The following SHC4 variants were observed in gnomAD, a reference collection of about 807,000 sequenced individuals.
SHC4 encodes the protein SHC adaptor protein 4, also known as SHC-transforming protein 4.
Under a neutral mutation model 69.4 loss-of-function variants are expected in SHC4, and 41 were observed. The observed-to-expected ratio is 0.59, with a 90% CI of 0.46 to 0.77. SHC4 has a LOEUF of 0.77. SHC4 is among the 30% of genes least tolerant of loss of function. The probability of loss-of-function intolerance (pLI) is 0.00; values close to 1 mark genes in which losing one functional copy is unlikely to be tolerated. For synonymous variants in SHC4, 318 were observed against 299.3 expected, an observed-to-expected ratio of 1.06 and a Z score of -0.64; for missense variants, 777 against 783.8, an observed-to-expected ratio of 0.99 and a Z score of 0.10.
At chr15:48,849,610 A>G (rs1446259517) in intron 9 of SHC4, among the ~76,000 whole-genome samples, 1 of 152,188 alleles carries the variant, frequency 6.6e-6, no homozygotes, top group Admixed American at 6.5e-5. Context: ...AAAATAGGAC[A>G]TGGAGGTATT....
At chr15:48,894,467 T>A (rs1900188630) in intron 2 of SHC4, among the ~76,000 whole-genome samples, 1 of 152,146 alleles carries the variant, frequency 6.6e-6, no homozygotes, top group African/African-American at 2.4e-5. Flanking sequence ...TGAAGGCACA[T>A]CAAAGATGTC....
At chr15:48,935,319 C>A (rs552646959) in intron 1 of SHC4, among the ~76,000 whole-genome samples, 33 of 152,144 alleles carry the variant, frequency 2.2e-4, no homozygotes, top group Non-Finnish European at 4.4e-4. Flanking sequence ...TTTGTCACAC[C>A]CCTAGGTTGC....
intron 2 of SHC4, among the ~76,000 whole-genome samples, chr15:48,922,192 A>C (rs906620390): frequency 1.3e-5 from 2 of 152,210 alleles, no homozygotes; most frequent in Non-Finnish European, 2.9e-5. Context: ...CCTTGCCTAT[A>C]GTCTGTTTCC....
At chr15:48,915,609 G>C (rs1900604796) in intron 2 of SHC4, among the ~76,000 whole-genome samples, 1 of 152,132 alleles carries the variant, frequency 6.6e-6, no homozygotes, top group Admixed American at 6.6e-5. Flanking sequence ...ATCAACTTTG[G>C]ATGCTATGTT....
In SHC4 at chr15:48,826,196, G is replaced by A. The variant is rs959091501; in HGVS notation, c.1738-70C>T. ...TCTCCTGAAAGATATAAATAATAAG[G>A]GGGAAAATGCCAGATATATCCCTAA... is the stretch of plus-strand genomic sequence containing the variant. On this transcript the variant is annotated intron_variant, in intron 11 of 11. Coordinates refer to ENST00000332408, the MANE Select transcript of SHC4 (RefSeq NM_203349.4). 1.2e-4 allele frequency: 165 copies of A among 1,429,950 alleles called. 2 individuals are homozygous for A. In the East Asian group the frequency reaches 3.8e-3, roughly 33 times the overall value. 88.6% of individuals were successfully genotyped at this position (1,429,950 alleles called of 1,614,324 possible).
chr15:48,951,418 C>T (rs1485567029), intron 1 of SHC4, among the ~76,000 whole-genome samples: 1 of 152,120 alleles, frequency 6.6e-6, no homozygotes, highest in Non-Finnish European at 1.5e-5. Flanking sequence ...CTTGCATCCT[C>T]TCTGAGCATT....
chr15:48,846,501 C>T (rs1367230032), intron 9 of SHC4, among the ~76,000 whole-genome samples: 1 of 152,144 alleles, frequency 6.6e-6, no homozygotes, highest in East Asian at 1.9e-4. Context: ...TCTTATTTGT[C>T]CTTCAAGATT....
At chr15:48,922,978 A>G (rs1487784516) in intron 2 of SHC4, among the ~76,000 whole-genome samples, 1 of 152,178 alleles carries the variant, frequency 6.6e-6, no homozygotes. Flanking sequence ...AAGTGTAGTC[A>G]GGTGGAACCA....
intron 9 of SHC4, among the ~76,000 whole-genome samples, chr15:48,846,056 T>G (rs913690424): frequency 6.6e-6 from 1 of 152,062 alleles, no homozygotes; most frequent in African/African-American, 2.4e-5. Context: ...TTAAGAGCAT[T>G]GATGCAAACA....
chr15:48,865,789 C>T (rs1451564962), intron 6 of SHC4, among the ~76,000 whole-genome samples: 1 of 152,162 alleles, frequency 6.6e-6, no homozygotes, highest in Non-Finnish European at 1.5e-5. Flanking sequence ...CTCAAAATCC[C>T]CAAGCCAGGA....
intron 5 of SHC4, among the ~76,000 whole-genome samples, 177 bp from the exon 6 acceptor site, chr15:48,868,046 A>G (rs1056419288): frequency 2.0e-5 from 3 of 152,230 alleles, no homozygotes; most frequent in Admixed American, 6.5e-5. Context: ...TAGTTTAACA[A>G]TTATGGAGTC....
chr15:48,945,416 T>C (rs1054832329), intron 1 of SHC4, among the ~76,000 whole-genome samples: 1 of 152,054 alleles, frequency 6.6e-6, no homozygotes, highest in Admixed American at 6.5e-5. Context: ...AACTTACCCA[T>C]GAATGTTCAT....
At chr15:48,953,280 A>G (rs566071843) in intron 1 of SHC4, among the ~76,000 whole-genome samples, 83 of 152,322 alleles carry the variant, frequency 5.4e-4, no homozygotes, top group African/African-American at 1.9e-3. Flanking sequence ...GTGGAGGATG[A>G]GAGGAGGGAG....
chr15:48,842,612 C>G (rs1465273908), intron 10 of SHC4, among the ~76,000 whole-genome samples: 1 of 152,082 alleles, frequency 6.6e-6, no homozygotes, highest in Non-Finnish European at 1.5e-5. Context: ...TGAGATAGTA[C>G]AATTAGTTAA....
At chr15:48,919,508 C>G (rs1900701946) in intron 2 of SHC4, among the ~76,000 whole-genome samples, 1 of 151,372 alleles carries the variant, frequency 6.6e-6, no homozygotes, top group South Asian at 2.1e-4. Context: ...AGGCTGGTCT[C>G]AAACTCCAAG....
intron 1 of SHC4, among the ~76,000 whole-genome samples, chr15:48,959,793 C>T (rs1031104449): frequency 3.9e-5 from 6 of 152,178 alleles, no homozygotes; most frequent in Admixed American, 1.3e-4. Flanking sequence ...AATTGGTTCA[C>T]ATCTCAAAAG....
intron 5 of SHC4, chr15:48,871,877 T>A (rs933692053): frequency 4.4e-5 from 20 of 450,376 alleles, no homozygotes. Context: ...TCCAAGTATT[T>A]TAAAATTTAA....
At chr15:48,878,177 A>T in intron 4 of SHC4, 1 of 1,549,964 alleles carries the variant, frequency 6.5e-7, no homozygotes, top group Admixed American at 1.9e-5. Context: ...GGTTTGCACA[A>T]TGTCGGAAAT....
chr15:48,897,590 G>A (rs1900246028), intron 2 of SHC4, among the ~76,000 whole-genome samples: 1 of 145,102 alleles, frequency 6.9e-6, no homozygotes, highest in Admixed American at 7.0e-5. Context: ...CAAGACAAAG[G>A]GGAGCATTTA....
Sources: gnomAD v4.1 joint callset for allele counts (sites outside exome capture counted in the v4.1 genomes callset) on GRCh38, gnomAD v4.1.1 for gene constraint, MANE v1.5 for transcripts, NCBI Gene and HGNC (gene_info 2026-07-23, HGNC 2026-07-21) for gene names.